The following MEIS1 variants were observed in gnomAD, a reference collection of about 807,000 sequenced individuals.
MEIS1 encodes Meis homeobox 1.
Under a neutral mutation model 50.8 loss-of-function variants are expected in MEIS1, and 5 were observed. That is an observed-to-expected ratio of 0.10 (90% CI 0.05 to 0.21). The LOEUF is 0.21. MEIS1 is among the 10% of genes least tolerant of loss of function. The pLI, the probability that MEIS1 is intolerant of heterozygous loss-of-function variation, is 1.00. For synonymous variants in MEIS1, 176 were observed against 179.3 expected, an observed-to-expected ratio of 0.98 and a Z score of 0.15; for missense variants, 318 against 517.3, an observed-to-expected ratio of 0.61 and a Z score of 3.74.
At chr2:66,558,179 T>A (rs780854786) in intron 9 of MEIS1, among the ~76,000 whole-genome samples, 35 of 145,362 alleles carry the variant, frequency 2.4e-4, no homozygotes, top group Non-Finnish European at 4.4e-4. Flanking sequence ...CTTGGGAGAC[T>A]GAGGCAGGAG....
At chr2:66,559,901 A>G (rs904338132) in intron 9 of MEIS1, among the ~76,000 whole-genome samples, 3 of 152,016 alleles carry the variant, frequency 2.0e-5, no homozygotes, top group African/African-American at 7.2e-5. Context: ...GATTTAAGCA[A>G]TCCTCCCACT....
At chr2:66,483,092 T>G (rs1375753095) in intron 7 of MEIS1, among the ~76,000 whole-genome samples, 1 of 152,224 alleles carries the variant, frequency 6.6e-6, no homozygotes, top group Admixed American at 6.5e-5. Flanking sequence ...CTGGCAATGG[T>G]AAGCATTATG....
chr2:66,498,366 T>C (rs923395228), intron 7 of MEIS1, among the ~76,000 whole-genome samples: 3 of 152,152 alleles, frequency 2.0e-5, no homozygotes, highest in African/African-American at 7.2e-5. Context: ...TTAAATAACT[T>C]GCCCAGGGTC....
At chr2:66,506,881 A>G (rs1226051348) in intron 7 of MEIS1, among the ~76,000 whole-genome samples, 2 of 152,158 alleles carry the variant, frequency 1.3e-5, no homozygotes, top group Non-Finnish European at 2.9e-5. Context: ...CCTGGACATC[A>G]GGCACACCCA....
chr2:66,520,488 A>T (rs1052286105), intron 8 of MEIS1, among the ~76,000 whole-genome samples: 1 of 152,026 alleles, frequency 6.6e-6, no homozygotes, highest in African/African-American at 2.4e-5. Flanking sequence ...CTCAAAAAAA[A>T]AAAGAAAAGC....
At chr2:66,468,753 C>T (rs548770631) in intron 7 of MEIS1, among the ~76,000 whole-genome samples, 49 of 152,312 alleles carry the variant, frequency 3.2e-4, no homozygotes, top group Admixed American at 9.2e-4. Context: ...CGCTGTGCTC[C>T]GTAATGGTGA....
chr2:66,556,487 G>A (rs1675067831), intron 9 of MEIS1, among the ~76,000 whole-genome samples: 1 of 103,418 alleles, frequency 9.7e-6, no homozygotes, highest in Admixed American at 1.4e-4. Context: ...TATTGATAAA[G>A]TCACTTTTTT....
At chr2:66,556,590 T>C (rs1239533414) in intron 9 of MEIS1, among the ~76,000 whole-genome samples, 1 of 152,008 alleles carries the variant, frequency 6.6e-6, no homozygotes, top group African/African-American at 2.4e-5. Context: ...GTTTTCAGTA[T>C]TTTTACTCTA....
chr2:66,473,397 A>AAAAAAAAATATATAT, intron 7 of MEIS1, among the ~76,000 whole-genome samples: 13 of 107,590 alleles, frequency 1.2e-4, no homozygotes, highest in African/African-American at 7.0e-4. Flanking sequence ...AAAAAAAAAA[A>AAAAAAAAATATATAT]ATATATATAT....
chr2:66,531,408 C>G (rs1354609166), intron 8 of MEIS1, among the ~76,000 whole-genome samples: 1 of 152,184 alleles, frequency 6.6e-6, no homozygotes, highest in Non-Finnish European at 1.5e-5. Context: ...TACTGACAAG[C>G]AAACATGCTC....
At chr2:66,541,931 A>T (rs1450907395) in intron 8 of MEIS1, among the ~76,000 whole-genome samples, 1 of 152,352 alleles carries the variant, frequency 6.6e-6, no homozygotes, top group East Asian at 1.9e-4. Flanking sequence ...TCACTGAAAC[A>T]GTAAAACTAA....
intron 8 of MEIS1, among the ~76,000 whole-genome samples, chr2:66,543,507 G>A (rs1674707059): frequency 6.6e-6 from 1 of 152,116 alleles, no homozygotes; most frequent in Admixed American, 6.6e-5. Flanking sequence ...TCTTCTCTCT[G>A]CAGCCAAACC....
chr2:66,548,563 G>C (rs1249341809), intron 9 of MEIS1, among the ~76,000 whole-genome samples: 1 of 152,124 alleles, frequency 6.6e-6, no homozygotes, highest in Non-Finnish European at 1.5e-5. Context: ...GTGCAATACT[G>C]TTTCTAAATA....
intron 7 of MEIS1, among the ~76,000 whole-genome samples, chr2:66,489,464 A>G (rs1339419611): frequency 6.6e-6 from 1 of 152,206 alleles, no homozygotes; most frequent in Admixed American, 6.5e-5. Context: ...TGTTGGCCAC[A>G]CTTTAGGATT....
intron 8 of MEIS1, among the ~76,000 whole-genome samples, chr2:66,526,634 T>C (rs1247619236): frequency 1.3e-5 from 2 of 152,224 alleles, no homozygotes; most frequent in Non-Finnish European, 2.9e-5. Context: ...TGTAGACTAC[T>C]CTTTGTTTGG....
At chr2:66,482,077 G>T (rs1242707123) in intron 7 of MEIS1, among the ~76,000 whole-genome samples, 1 of 151,948 alleles carries the variant, frequency 6.6e-6, no homozygotes, top group Non-Finnish European at 1.5e-5. Context: ...GGCCAGGATG[G>T]TCTCAATCTC....
intron 7 of MEIS1, among the ~76,000 whole-genome samples, chr2:66,473,377 T>TAAAAAAAAAAAA (rs1672809161): frequency 2.1e-5 from 1 of 47,400 alleles, no homozygotes; most frequent in African/African-American, 1.9e-4. Context: ...AGACTCCATG[T>TAAAAAAAAAAAA]CAAAAAAAAA....
At chr2:66,473,939 T>C (rs955689086) in intron 7 of MEIS1, among the ~76,000 whole-genome samples, 1 of 152,206 alleles carries the variant, frequency 6.6e-6, no homozygotes, top group South Asian at 2.1e-4. Context: ...ATATAACCTA[T>C]GCACATCCTC....
intron 9 of MEIS1, among the ~76,000 whole-genome samples, chr2:66,552,691 T>G (rs553114928): frequency 6.6e-6 from 1 of 152,350 alleles, no homozygotes; most frequent in East Asian, 1.9e-4. Context: ...TGTAAACTTA[T>G]TTTTTAAAAA....
Sources: allele counts gnomAD v4.1 joint callset (sites outside exome capture counted in the v4.1 genomes callset), GRCh38; gene constraint gnomAD v4.1.1; transcripts MANE v1.5; gene names NCBI Gene and HGNC (gene_info 2026-07-23, HGNC 2026-07-21).